The following EBF1 variants were observed in gnomAD, a reference collection of about 807,000 sequenced individuals.
The protein encoded by EBF1 is EBF transcription factor 1, also known as transcription factor COE1.
A neutral mutation model predicts 68.4 loss-of-function variants in EBF1; 10 were observed. The ratio of observed to expected loss-of-function variants is 0.15; its 90% CI spans 0.09 to 0.25. The LOEUF is 0.25. Ranked by LOEUF, EBF1 falls within the 10% of genes least tolerant of loss-of-function variation. The pLI is 1.00. For missense variants in EBF1, 509 were observed against 794.4 expected, an observed-to-expected ratio of 0.64 and a Z score of 4.32; for synonymous variants, 298 against 299.8, an observed-to-expected ratio of 0.99 and a Z score of 0.06.
chr5:159,032,978 C>A (rs1769230636), intron 6 of EBF1, among the ~76,000 whole-genome samples: 1 of 152,136 alleles, frequency 6.6e-6, no homozygotes, highest in Admixed American at 6.6e-5. Context: ...CTCTTTCCCT[C>A]CTCTACCTTC....
At chr5:158,887,091 A>G (rs1359071204) in intron 6 of EBF1, among the ~76,000 whole-genome samples, 5 of 152,216 alleles carry the variant, frequency 3.3e-5, no homozygotes, top group African/African-American at 4.8e-5. Flanking sequence ...TCAAATATTC[A>G]GTCTTTTTTG....
chr5:158,699,825 A>G (rs1035480260), intron 15 of EBF1, among the ~76,000 whole-genome samples: 1 of 152,252 alleles, frequency 6.6e-6, no homozygotes, highest in African/African-American at 2.4e-5. Flanking sequence ...ATTTCCTAGA[A>G]AACTGTAGCC....
At chr5:158,714,425 C>G (rs1345817236) in intron 11 of EBF1, among the ~76,000 whole-genome samples, 1 of 152,140 alleles carries the variant, frequency 6.6e-6, no homozygotes. Context: ...CAATAGTCTG[C>G]CATAGGCATG....
intron 6 of EBF1, among the ~76,000 whole-genome samples, chr5:158,912,174 TC>T (rs1445927820): frequency 6.6e-6 from 1 of 152,208 alleles, no homozygotes; most frequent in Non-Finnish European, 1.5e-5. Flanking sequence ...TAAGGGCCCT[TC>T]CTCATGGATC....
At chr5:158,830,831 A>C (rs1320100692) in intron 7 of EBF1, among the ~76,000 whole-genome samples, 1 of 152,194 alleles carries the variant, frequency 6.6e-6, no homozygotes, top group Non-Finnish European at 1.5e-5. Flanking sequence ...AAAATTATGG[A>C]GGACGCGTGA....
chr5:159,051,127 T>A (rs1773556671), intron 6 of EBF1, among the ~76,000 whole-genome samples: 1 of 152,034 alleles, frequency 6.6e-6, no homozygotes, highest in Non-Finnish European at 1.5e-5. Context: ...AAGTAACCTA[T>A]GAAAAACTCA....
intron 6 of EBF1, among the ~76,000 whole-genome samples, chr5:158,964,855 G>A (rs11742888): frequency 0.019 from 2,868 of 152,150 alleles, 43 homozygotes; most frequent in Non-Finnish European, 0.03. Flanking sequence ...CTGCCTACAA[G>A]TAAAAAAATA....
At chr5:159,065,316 G>A (rs912116107) in intron 6 of EBF1, among the ~76,000 whole-genome samples, 1 of 152,030 alleles carries the variant, frequency 6.6e-6, no homozygotes, top group Admixed American at 6.5e-5. Flanking sequence ...CTGACTCCTC[G>A]GCATGCACCA....
intron 6 of EBF1, among the ~76,000 whole-genome samples, chr5:159,054,182 T>C (rs1281121821): frequency 3.9e-5 from 6 of 152,252 alleles, no homozygotes. Flanking sequence ...ATTAGCTCTG[T>C]AGTTGGTTTG....
intron 6 of EBF1, among the ~76,000 whole-genome samples, chr5:158,943,854 C>A (rs1439707716): frequency 6.6e-6 from 1 of 152,180 alleles, no homozygotes; most frequent in Admixed American, 6.5e-5. Flanking sequence ...GACTTATAAT[C>A]ATTTCTCTCA....
intron 6 of EBF1, among the ~76,000 whole-genome samples, chr5:158,887,857 G>T (rs1029248134): frequency 3.3e-5 from 5 of 152,146 alleles, no homozygotes; most frequent in East Asian, 3.8e-4. Flanking sequence ...TTCAAAGAGT[G>T]GGGGGAAAAG....
In EBF1 at chr5:158,887,834, T is replaced by C. The variant is rs565813705; in HGVS notation, c.555-47724A>G. Among the ~76,000 whole-genome samples the C allele has an allele frequency of 9.3e-4, 141 of 152,348 alleles. 3 individuals carry two copies. In the South Asian group the frequency reaches 0.028, roughly 30 times the overall value. On this transcript the variant is annotated intron_variant, in intron 6 of 15. Coordinates refer to ENST00000313708, the MANE Select transcript of EBF1 (RefSeq NM_024007.5). ...GTTATGAAAAAATATATTTAAAGCA[T>C]TCATGTTTATGATTCAAAGAGTGGG...
At chr5:159,079,643 G>A (rs1346928361) in intron 5 of EBF1, among the ~76,000 whole-genome samples, 1 of 129,682 alleles carries the variant, frequency 7.7e-6, no homozygotes, top group African/African-American at 3.0e-5. Context: ...GTGGAGTCTC[G>A]CTCTGTCACC....
intron 6 of EBF1, among the ~76,000 whole-genome samples, chr5:158,927,322 T>C (rs1398483326): frequency 6.6e-6 from 1 of 152,200 alleles, no homozygotes; most frequent in Non-Finnish European, 1.5e-5. Flanking sequence ...CTTAACTAGA[T>C]CTTCTATCAT....
intron 10 of EBF1, among the ~76,000 whole-genome samples, chr5:158,771,756 G>C (rs1401591952): frequency 6.6e-6 from 1 of 152,120 alleles, no homozygotes; most frequent in Non-Finnish European, 1.5e-5. Context: ...CAATCAAGAT[G>C]AGTTACAGGG....
chr5:159,083,243 AAG>A (rs1780037125), intron 5 of EBF1, among the ~76,000 whole-genome samples: 1 of 152,242 alleles, frequency 6.6e-6, no homozygotes, highest in Non-Finnish European at 1.5e-5. Context: ...AGTAAGAAGA[AAG>A]AGGTCATGTT....
chr5:158,832,768 A>C (rs1190714827), intron 7 of EBF1, among the ~76,000 whole-genome samples: 1 of 152,226 alleles, frequency 6.6e-6, no homozygotes, highest in African/African-American at 2.4e-5. Flanking sequence ...CTTGTTAAGC[A>C]AACAGCAAAG....
intron 8 of EBF1, among the ~76,000 whole-genome samples, chr5:158,801,488 TG>T (rs1780573551): frequency 2.6e-5 from 4 of 152,044 alleles, no homozygotes. Flanking sequence ...GGGGAATTGC[TG>T]AGAAAACACG....
At chr5:158,843,889 G>A (rs989734797) in intron 6 of EBF1, among the ~76,000 whole-genome samples, 53 of 152,140 alleles carry the variant, frequency 3.5e-4, no homozygotes, top group Admixed American at 1.5e-3. Flanking sequence ...TTTGTAAACC[G>A]GGGGACATGT....
Sources: allele counts gnomAD v4.1 joint callset (sites outside exome capture counted in the v4.1 genomes callset), GRCh38; gene constraint gnomAD v4.1.1; transcripts MANE v1.5; gene names NCBI Gene and HGNC (gene_info 2026-07-23, HGNC 2026-07-21).